The following COL18A1 variants were observed in gnomAD, a reference collection of about 807,000 sequenced individuals.
COL18A1 encodes the protein collagen alpha-1(XVIII) chain.
Under a neutral mutation model 168.0 loss-of-function variants are expected in COL18A1, and 133 were observed. That is an observed-to-expected ratio of 0.79 (90% CI 0.69 to 0.91). The LOEUF is 0.91. Ranked by LOEUF, COL18A1 falls within the 40% of genes least tolerant of loss-of-function variation. The pLI is 0.00. For missense variants in COL18A1, 2,126 were observed against 1,925.4 expected (o/e 1.10, Z -1.95); for synonymous variants, 949 against 809.0 (o/e 1.17, Z -2.94).
intron 2 of COL18A1, among the ~76,000 whole-genome samples, chr21:45,410,721 G>A (rs956067089): frequency 4.1e-4 from 63 of 152,356 alleles, no homozygotes; most frequent in African/African-American, 1.4e-3. Context: ...TCCTCTGTCT[G>A]CAGAGAACCT....
rs558623144 is a variant in COL18A1 at position 45,420,389 on chromosome 21, C to T, written c.106+14916C>T. 9 of 152,354 alleles carry T rather than the reference C, an allele frequency of 5.9e-5. No individual in the cohort carries two copies. The East Asian group carries it at 1.7e-3, about 29-fold the overall frequency. 9.4% of individuals were successfully genotyped at this position (152,354 alleles called of 1,614,324 possible). A position where few individuals can be genotyped will look rare whatever the true frequency, so the allele number is the denominator to read the frequency against. ...CACTGTGATCTCAGAGCTGCGTCATCGCTGATGGAAGAGGTGACGTCCCCT... is the reference window on the plus strand; with the variant it reads ...CACTGTGATCTCAGAGCTGCGTCATTGCTGATGGAAGAGGTGACGTCCCCT... On this transcript the variant is annotated intron_variant, in intron 2 of 41. Coordinates refer to ENST00000651438, the MANE Select transcript of COL18A1 (RefSeq NM_001379500.1).
rs148453450 is a variant in COL18A1 at position 45,497,184 on chromosome 21, C to A, written c.2620+92C>A. 2.0e-3 allele frequency: 1,724 copies of A among 857,550 alleles called. 5 individuals are homozygous for A. Among genetic ancestry groups the A allele is most frequent in the Non-Finnish European group, 3.1e-3 (1,575 of 510,414 alleles). 53.1% of individuals were successfully genotyped at this position (857,550 alleles called of 1,614,324 possible). A position where few individuals can be genotyped will look rare whatever the true frequency, so the allele number is the denominator to read the frequency against. ...TTCCCGTGCCAGCAGCAGTGAGACT[C>A]CCCCAGTGGCCCAAGGCCAGTGCTA... On this transcript the variant is annotated intron_variant, in intron 31 of 41. Transcript: ENST00000651438.
chr21:45,473,995 G>GA lies in COL18A1; in HGVS notation c.738+14_738+15insA, dbSNP rs1452703361. On this transcript the variant is annotated intron_variant, in intron 4 of 41. Coordinates refer to ENST00000651438, the MANE Select transcript of COL18A1 (RefSeq NM_001379500.1). This position sits in a 1 kb window ranked among gnomAD's most constrained non-coding sequence, Gnocchi z 4.0. ...GACTCAGATGGGGTGAGTGACATCT[G>GA]GGGCACGGGTGGGGTCTCCCCTCAA... 8 of 1,574,254 alleles carry GA rather than the reference G, an allele frequency of 5.1e-6. No homozygotes were observed. The Admixed American group carries it at 1.5e-4, about 29-fold the overall frequency.
At position 45,412,233 on chromosome 21, in the gene COL18A1, ATT is replaced by A. The variant is rs1285919162; in HGVS notation, c.106+6762_106+6763del. On this transcript the variant is annotated intron_variant, in intron 2 of 41. Coordinates refer to ENST00000651438, the MANE Select transcript of COL18A1 (RefSeq NM_001379500.1). Reference sequence around the variant, plus strand: ...ATGATATTTCTTTAACTGGGGGTATATTTCTTTTTTTTTTTTTTTTCGAGATG... The same window carrying A: ...ATGATATTTCTTTAACTGGGGGTATATCTTTTTTTTTTTTTTTTCGAGATG... Among the ~76,000 whole-genome samples the A allele has an allele frequency of 9.5e-4, 91 of 96,164 alleles. No individual in the cohort carries two copies. In the East Asian group the frequency reaches 1.0e-2, roughly 11 times the overall value. 63.1% of individuals were successfully genotyped at this position (96,164 alleles called of 152,430 possible). A position where few individuals can be genotyped will look rare whatever the true frequency, so the allele number is the denominator to read the frequency against.
In COL18A1 at chr21:45,409,334, A is replaced by T. The variant is rs986718306; in HGVS notation, c.106+3861A>T. On this transcript the variant is annotated intron_variant, in intron 2 of 41. Transcript: ENST00000651438. ...GCAGAATCCTGGGAAACTAAAATGC[A>T]TGTTGGGCGCCCTTATACGATGATG... is the stretch of plus-strand genomic sequence containing the variant. Among the ~76,000 whole-genome samples the T allele has an allele frequency of 6.6e-5, 10 of 152,244 alleles. No individual in the cohort carries two copies. In the East Asian group the frequency reaches 1.9e-3, roughly 29 times the overall value.
intron 31 of COL18A1, 96 bp downstream of exon 31, chr21:45,497,188 C>T (rs572528230): frequency 5.8e-6 from 5 of 857,174 alleles, no homozygotes; most frequent in African/African-American, 1.6e-5. Context: ...GAGACTCCCC[C>T]AGTGGCCCAA....
chr21:45,462,193 TTC>T (rs151216814), intron 2 of COL18A1, among the ~76,000 whole-genome samples: 2,942 of 152,290 alleles, frequency 0.019, 98 homozygotes, highest in African/African-American at 0.066. Flanking sequence ...GCTTTCCAGA[TTC>T]TCTCTCTGTT....
At position 45,509,830 on chromosome 21, in the gene COL18A1, C is replaced by T. The variant is rs577617402; in HGVS notation, c.3495+229C>T. Among the ~76,000 whole-genome samples the T allele has an allele frequency of 1.3e-3, 201 of 152,306 alleles. 1 individual carries two copies. The highest frequency in any genetic ancestry group is 4.6e-3 in the African/African-American group (191 of 41,574). The stretch of plus-strand genomic sequence containing the variant: ...CGCTGTCACATCCTTGAGGAACCGG[C>T]GTACCTCCGCCTACAGCGGCAGCTG... On this transcript the variant is annotated intron_variant, in intron 39 of 41. Coordinates refer to ENST00000651438, the MANE Select transcript of COL18A1 (RefSeq NM_001379500.1).
chr21:45,427,512 G>A (rs894084507), intron 2 of COL18A1, among the ~76,000 whole-genome samples: 6 of 152,186 alleles, frequency 3.9e-5, no homozygotes, highest in African/African-American at 1.4e-4. Context: ...GCCTCCCCCA[G>A]GCAGGCCCCC....
At chr21:45,475,645 A>G in intron 5 of COL18A1, 110 bp downstream of exon 5, 1 of 951,000 alleles carries the variant, frequency 1.1e-6, no homozygotes, top group Non-Finnish European at 1.6e-6. Context: ...AGCTCCCTCT[A>G]TGCCACGAAG....
intron 2 of COL18A1, among the ~76,000 whole-genome samples, chr21:45,464,809 A>T (rs6518247): frequency 0.97 from 147,758 of 152,278 alleles, 71,722 homozygotes; most frequent in East Asian, 1. Flanking sequence ...TGTGGTTAGA[A>T]GTGGATCATC....
At chr21:45,452,746 G>A (rs989772480) in intron 2 of COL18A1, among the ~76,000 whole-genome samples, 7 of 150,446 alleles carry the variant, frequency 4.7e-5, no homozygotes, top group Non-Finnish European at 8.8e-5. Context: ...ATATATGTAC[G>A]TGTGATTGTG....
In COL18A1 at chr21:45,457,438, C is replaced by T. The variant is rs918632181; in HGVS notation, c.107-10804C>T. ...CTGAGAGGGAGCCTTTCATGTCCCC[C>T]TCCCCATCCTGAAGCACACAGCCTC... On this transcript the variant is annotated intron_variant, in intron 2 of 41. Coordinates refer to ENST00000651438, the MANE Select transcript of COL18A1 (RefSeq NM_001379500.1). The surrounding 1 kb of genome is among the most constrained non-coding windows in gnomAD (Gnocchi z 4.6). Among the ~76,000 whole-genome samples the T allele has an allele frequency of 3.9e-5, 6 of 152,334 alleles. No individual in the cohort carries two copies. Among genetic ancestry groups the T allele is most frequent in the African/African-American group, 1.2e-4 (5 of 41,582 alleles).
In COL18A1 at chr21:45,505,383, CCCCCCTGGGCCCCCTGGG is replaced by C. The variant is rs571597296; in HGVS notation, c.3048_3065del (p.Pro1017_Gly1022del). ...CTATCAGCGTTCCCGGCCCTCCGGG[CCCCCCTGGGCCCCCTGGG>C]CCCCCTGGAACCATGGGCGCCTCCT... On this transcript the variant is annotated inframe_deletion, in exon 36 of 42. Transcript: ENST00000651438. The C allele has an allele frequency of 1.3e-6, 2 of 1,585,042 alleles. No homozygotes were observed. Among genetic ancestry groups the C allele is most frequent in the Non-Finnish European group, 1.7e-6 (2 of 1,157,758 alleles).
chr21:45,484,194 T>TGC (rs148552469), intron 15 of COL18A1, among the ~76,000 whole-genome samples: 1,647 of 104,958 alleles, frequency 0.016, 268 homozygotes, highest in African/African-American at 0.059. Flanking sequence ...CCAGCATATG[T>TGC]GCACACACAC....
chr21:45,478,934 C>T (rs1047318174), intron 9 of COL18A1, among the ~76,000 whole-genome samples: 1 of 152,166 alleles, frequency 6.6e-6, no homozygotes, highest in African/African-American at 2.4e-5. Context: ...ACAGGGAGGG[C>T]ATCTCATGGT....
chr21:45,509,535 C>T lies in COL18A1; in HGVS notation c.3429C>T (p.Tyr1143=), dbSNP rs375601931. ...PYPGAPHHSS[Y]VHLRPARPTS... is the part of the protein sequence containing the mutation. ...CCGGAGCCCCGCACCACAGCTCCTA[C>T]GTGCACCTGCGGCCGGCGCGACCCA... Residue 1143 remains tyrosine, a synonymous_variant, in exon 39 of 42, where the codon TAC becomes TAT. Coordinates refer to ENST00000651438, the MANE Select transcript of COL18A1 (RefSeq NM_001379500.1). The T allele has an allele frequency of 1.1e-3, 1,643 of 1,537,718 alleles. 9 individuals carry two copies. The highest frequency in any genetic ancestry group is 3.8e-3 in the African/African-American group (280 of 73,410).
At chr21:45,430,536 G>A (rs758988351) in intron 2 of COL18A1, among the ~76,000 whole-genome samples, 35 of 152,114 alleles carry the variant, frequency 2.3e-4, no homozygotes, top group Non-Finnish European at 4.4e-4. Flanking sequence ...AGGAGGGACC[G>A]GGTGGGGCAT....
At chr21:45,440,009 C>T (rs2145812888) in intron 2 of COL18A1, among the ~76,000 whole-genome samples, 1 of 152,352 alleles carries the variant, frequency 6.6e-6, no homozygotes, top group Non-Finnish European at 1.5e-5. Context: ...TTCTGTGGGG[C>T]CAGCACCCAG....
Sources: gnomAD v4.1 joint callset for allele counts (sites outside exome capture counted in the v4.1 genomes callset) on GRCh38, gnomAD v4.1.1 for gene constraint, Gnocchi (gnomAD v3.1) non-coding constraint, MANE v1.5 for transcripts, NCBI Gene and HGNC (gene_info 2026-07-23, HGNC 2026-07-21) for gene names.